ADAMTS17: variants seen among roughly 807,000 people sequenced by gnomAD.
ADAMTS17 encodes the protein ADAM metallopeptidase with thrombospondin type 1 motif 17.
ADAMTS17 carries 113 observed loss-of-function variants against 141.5 expected under a neutral mutation model. The observed-to-expected ratio is 0.80, with a 90% CI of 0.69 to 0.93. The LOEUF (loss-of-function observed/expected upper bound fraction) is 0.93, where lower values mean the gene tolerates loss of function less well. ADAMTS17 is among the 40% of genes least tolerant of loss of function. The pLI, the probability that ADAMTS17 is intolerant of heterozygous loss-of-function variation, is 0.00. For synonymous variants in ADAMTS17, 768 were observed against 630.6 expected (o/e 1.22, Z -3.27); for missense variants, 1,659 against 1,517.9 (o/e 1.09, Z -1.54).
At chr15:100,049,851 TGTGCCTCAGG>T (rs753076536) in intron 17 of ADAMTS17, among the ~76,000 whole-genome samples, 5 of 152,238 alleles carry the variant, frequency 3.3e-5, no homozygotes, top group Non-Finnish European at 5.9e-5. Flanking sequence ...TTAACTTCCC[TGTGCCTCAGG>T]GTGCCTCAGT....
intron 7 of ADAMTS17, among the ~76,000 whole-genome samples, chr15:100,215,087 C>T (rs1266503508): frequency 1.3e-5 from 2 of 152,232 alleles, no homozygotes; most frequent in East Asian, 3.9e-4. Context: ...ATGTGGACTG[C>T]TGTTTCCTGA....
In ADAMTS17 at chr15:100,053,916, T is replaced by A. The variant is rs553411610; in HGVS notation, c.2276A>T (p.Lys759Ile). Residue 759 changes from lysine to isoleucine, a missense_variant, in exon 16 of 22, where the codon AAA becomes ATA. Transcript: ENST00000268070. ...AGTTACCATCAAGTGCAGCGGTAGT[T>A]TGGTTGGTCCCTTGGCAGAGATCTT... is the stretch of plus-strand genomic sequence containing the variant. Reference protein sequence around the residue: ...WEKISAKGPTKLPLHLMVLLF... With the variant: ...WEKISAKGPTILPLHLMVLLF... 3.1e-6 allele frequency: 5 copies of A among 1,614,128 alleles called. No individual in the cohort carries two copies. In the South Asian group the frequency reaches 5.5e-5, roughly 18 times the overall value.
Position 99,973,345 on chromosome 15 carries a change from G to A in ADAMTS17, c.*1057C>T, listed in dbSNP as rs962502639. On this transcript the variant is annotated 3_prime_UTR_variant, in exon 22 of 22. Coordinates refer to ENST00000268070, the MANE Select transcript of ADAMTS17 (RefSeq NM_139057.4). ...GGCACATCAGGCTGCTCCGTGCCAG[G>A]ATAGAGCAGTCAGGCCTTGCTCTAC... The A allele has an allele frequency of 1.3e-5, 2 of 149,030 alleles. No individual in the cohort carries two copies. The highest frequency in any genetic ancestry group is 3.0e-5 in the Non-Finnish European group (2 of 67,272). The allele number at this position is 149,030 out of a possible 1,614,324, so 9.2% of individuals were successfully genotyped here. A position where few individuals can be genotyped will look rare whatever the true frequency, so the allele number is the denominator to read the frequency against.
intron 15 of ADAMTS17, among the ~76,000 whole-genome samples, chr15:100,057,008 G>A (rs150255067): frequency 5.3e-4 from 80 of 152,218 alleles, no homozygotes; most frequent in African/African-American, 1.5e-3. Context: ...AAGACAGGGA[G>A]AGGAGACAAC....
chr15:100,297,056 G>A (rs2044847702), intron 3 of ADAMTS17, among the ~76,000 whole-genome samples: 1 of 152,172 alleles, frequency 6.6e-6, no homozygotes, highest in African/African-American at 2.4e-5. Context: ...GTTCAAGAAA[G>A]CCTTCCCCAA....
chr15:100,294,630 C>A (rs771642403), intron 3 of ADAMTS17, among the ~76,000 whole-genome samples: 1 of 151,960 alleles, frequency 6.6e-6, no homozygotes, highest in Non-Finnish European at 1.5e-5. Context: ...ATCACTTGAG[C>A]CCAGAGACTG....
chr15:100,341,142 C>A lies in ADAMTS17; in HGVS notation c.347G>T (p.Arg116Leu). Residue 116 changes from arginine to leucine, a missense_variant, in exon 2 of 22, where the codon CGG (arginine) becomes CTG (leucine). Arg to Leu is a moderately radical substitution (Grantham distance 102). Transcript: ENST00000268070. ...CAGCTCGGCGGGGCGGCCGCGGCGC[C>A]GGGCCGCGCCCGCCTCCTCCACCTC... The part of the protein sequence containing the change: ...GFEVEEAGAA[R>L]RRGRPAELCF... 1 of 1,439,112 alleles carries A rather than the reference C, an allele frequency of 6.9e-7. No homozygotes were observed. The highest frequency in any genetic ancestry group is 9.1e-7 in the Non-Finnish European group (1 of 1,103,590). The allele number at this position is 1,439,112 out of a possible 1,614,324, so 89.1% of individuals were successfully genotyped here. A position where few individuals can be genotyped will look rare whatever the true frequency, so the allele number is the denominator to read the frequency against.
Position 100,290,329 on chromosome 15 carries a change from T to C in ADAMTS17, c.617-8928A>G, listed in dbSNP as rs147324649. 5.4e-3 allele frequency among the ~76,000 whole-genome samples: 823 copies of C among 152,224 alleles called. 15 individuals carry two copies. In the East Asian group the frequency reaches 0.069, roughly 13 times the overall value. ...CACGCAAAATCTCTACAGTGAGAAC[T>C]ACAAAACACTTCTCAAAGAAATCAG... is the stretch of plus-strand genomic sequence containing the variant. On this transcript the variant is annotated intron_variant, in intron 3 of 21. Transcript: ENST00000268070.
chr15:100,239,248 T>C (rs1478604626), intron 7 of ADAMTS17, among the ~76,000 whole-genome samples: 2 of 152,178 alleles, frequency 1.3e-5, no homozygotes, highest in African/African-American at 4.8e-5. Context: ...CAGCAGCAGC[T>C]CCCGCACACT....
At chr15:100,035,624 G>T (rs1308224304) in intron 18 of ADAMTS17, among the ~76,000 whole-genome samples, 1 of 152,108 alleles carries the variant, frequency 6.6e-6, no homozygotes, top group Non-Finnish European at 1.5e-5. Context: ...TGATCCTCAG[G>T]TGTGCCGAGT....
chr15:100,033,840 C>A (rs1196326327), intron 18 of ADAMTS17, among the ~76,000 whole-genome samples: 1 of 152,180 alleles, frequency 6.6e-6, no homozygotes, highest in East Asian at 1.9e-4. Context: ...AAGTTCAGAT[C>A]TGGTTTCTGT....
At chr15:100,151,176 T>C (rs2039145356) in intron 10 of ADAMTS17, among the ~76,000 whole-genome samples, 1 of 152,148 alleles carries the variant, frequency 6.6e-6, no homozygotes, top group African/African-American at 2.4e-5. Flanking sequence ...GGGTGACAGC[T>C]TCCCACTGGT....
intron 4 of ADAMTS17, among the ~76,000 whole-genome samples, chr15:100,279,777 T>TC (rs778497489): frequency 1.3e-5 from 2 of 152,168 alleles, no homozygotes; most frequent in Non-Finnish European, 2.9e-5. Flanking sequence ...GGCTTCTCTC[T>TC]CCTCTCCTTT....
intron 8 of ADAMTS17, among the ~76,000 whole-genome samples, chr15:100,198,899 T>C (rs2041218601): frequency 6.6e-6 from 1 of 152,192 alleles, no homozygotes; most frequent in African/African-American, 2.4e-5. Context: ...AGACACTAAA[T>C]TCTACAATCA....
At chr15:100,296,686 T>C (rs1307719820) in intron 3 of ADAMTS17, among the ~76,000 whole-genome samples, 1 of 151,986 alleles carries the variant, frequency 6.6e-6, no homozygotes, top group African/African-American at 2.4e-5. Context: ...CTGATGAAAT[T>C]TGGAGTCTAA....
At chr15:100,220,341 T>C (rs2042094394) in intron 7 of ADAMTS17, among the ~76,000 whole-genome samples, 1 of 151,684 alleles carries the variant, frequency 6.6e-6, no homozygotes, top group Non-Finnish European at 1.5e-5. Context: ...AGCGGAAGCA[T>C]ATGCTTTTCT....
At chr15:100,201,898 C>T (rs4620936) in intron 7 of ADAMTS17, among the ~76,000 whole-genome samples, 36,914 of 152,136 alleles carry the variant, frequency 0.24, 5,324 homozygotes, top group African/African-American at 0.39. Flanking sequence ...TACTGCTACA[C>T]AGCCCTGATG....
chr15:100,281,108 C>A (rs2044264585), intron 4 of ADAMTS17, 121 bp downstream of exon 4: 1 of 1,386,766 alleles, frequency 7.2e-7, no homozygotes, highest in Non-Finnish European at 9.8e-7. Flanking sequence ...AGGCTATGTT[C>A]CCGTATCCCC....
chr15:100,227,454 T>C (rs972212261), intron 7 of ADAMTS17, among the ~76,000 whole-genome samples: 1 of 152,190 alleles, frequency 6.6e-6, no homozygotes, highest in Non-Finnish European at 1.5e-5. Flanking sequence ...CCTAAATGAC[T>C]GTACACTTGG....
Sources: allele counts gnomAD v4.1 joint callset (sites outside exome capture counted in the v4.1 genomes callset), GRCh38; gene constraint gnomAD v4.1.1; transcripts MANE v1.5; gene names NCBI Gene and HGNC (gene_info 2026-07-23, HGNC 2026-07-21).